Variants in LRRTM4 observed in about 807,000 individuals in gnomAD.
The protein encoded by LRRTM4 is leucine-rich repeat transmembrane neuronal protein 4.
Under a neutral mutation model 47.6 loss-of-function variants are expected in LRRTM4, and 25 were observed. The observed-to-expected ratio is 0.53, with a 90% CI of 0.38 to 0.73. The LOEUF is 0.73. LRRTM4 is among the 30% of genes least tolerant of loss of function. LRRTM4 has a pLI of 0.00. For missense variants in LRRTM4, 638 were observed against 713.4 expected (o/e 0.89, Z 1.20); for synonymous variants, 311 against 269.5 (o/e 1.15, Z -1.51).
intron 3 of LRRTM4, among the ~76,000 whole-genome samples, chr2:77,158,693 T>G (rs1672625865): frequency 6.6e-6 from 1 of 152,142 alleles, no homozygotes; most frequent in East Asian, 1.9e-4. Flanking sequence ...TTGGATTCTT[T>G]TCTATCTTAT....
chr2:77,015,020 A>T (rs893007870), intron 3 of LRRTM4, among the ~76,000 whole-genome samples: 2 of 152,168 alleles, frequency 1.3e-5, no homozygotes, highest in African/African-American at 4.8e-5. Context: ...TGATGTGATT[A>T]AACTCCATAG....
At chr2:77,105,120 A>G (rs960710040) in intron 3 of LRRTM4, among the ~76,000 whole-genome samples, 6 of 152,160 alleles carry the variant, frequency 3.9e-5, no homozygotes, top group African/African-American at 1.4e-4. Flanking sequence ...GAACATTTAG[A>G]AATATGCCAA....
At chr2:77,280,319 C>T (rs1466282309) in intron 3 of LRRTM4, among the ~76,000 whole-genome samples, 1 of 151,906 alleles carries the variant, frequency 6.6e-6, no homozygotes, top group African/African-American at 2.4e-5. Context: ...TGATTTTAGC[C>T]TAGTGGGATC....
chr2:76,855,882 A>G (rs1344427572), intron 3 of LRRTM4, among the ~76,000 whole-genome samples: 1 of 152,184 alleles, frequency 6.6e-6, no homozygotes, highest in African/African-American at 2.4e-5. Flanking sequence ...CAACTCACCT[A>G]GATAAAGCCC....
intron 3 of LRRTM4, among the ~76,000 whole-genome samples, chr2:77,022,923 C>T (rs1481494473): frequency 6.6e-6 from 1 of 152,186 alleles, no homozygotes; most frequent in East Asian, 1.9e-4. Context: ...AGGCAGTCCC[C>T]AGTAGGGACT....
At chr2:77,230,926 T>G (rs1326754926) in intron 3 of LRRTM4, among the ~76,000 whole-genome samples, 1 of 152,160 alleles carries the variant, frequency 6.6e-6, no homozygotes, top group East Asian at 1.9e-4. Flanking sequence ...GTCATTGTTC[T>G]TCAAAAGATT....
At chr2:77,052,627 A>G (rs1053985658) in intron 3 of LRRTM4, among the ~76,000 whole-genome samples, 2 of 152,006 alleles carry the variant, frequency 1.3e-5, no homozygotes, top group African/African-American at 4.8e-5. Context: ...ATATTTTATA[A>G]TAGGTTAGAA....
At chr2:76,886,102 T>C (rs560522866) in intron 3 of LRRTM4, among the ~76,000 whole-genome samples, 1 of 152,112 alleles carries the variant, frequency 6.6e-6, no homozygotes, top group African/African-American at 2.4e-5. Flanking sequence ...TCATCCTGAA[T>C]AGAAAATCAA....
chr2:77,105,523 G>T (rs537371048), intron 3 of LRRTM4, among the ~76,000 whole-genome samples: 1 of 123,644 alleles, frequency 8.1e-6, no homozygotes, highest in Non-Finnish European at 1.7e-5. Flanking sequence ...GTGGGGGGAG[G>T]GGGGAGGGAT....
chr2:77,185,167 T>C (rs1253224479), intron 3 of LRRTM4, among the ~76,000 whole-genome samples: 1 of 152,164 alleles, frequency 6.6e-6, no homozygotes, highest in Non-Finnish European at 1.5e-5. Flanking sequence ...AAACTAAGCA[T>C]GTTCAGCTCA....
At chr2:77,445,542 T>C (rs1676019084) in intron 3 of LRRTM4, among the ~76,000 whole-genome samples, 6 of 152,018 alleles carry the variant, frequency 3.9e-5, no homozygotes, top group Admixed American at 3.3e-4. Context: ...TGAGTCTCTC[T>C]GTAACATGGG....
Position 76,776,442 on chromosome 2 carries a change from T to C in LRRTM4, c.1552-27526A>G, listed in dbSNP as rs559862537. 7.6e-4 allele frequency among the ~76,000 whole-genome samples: 115 copies of C among 152,292 alleles called. No individual in the cohort carries two copies. The Middle Eastern group carries it at 0.01, about 14-fold the overall frequency. Reference sequence around the variant, plus strand: ...CTGTTGTTTCCTGACTTTTGAAAGATTGCCATTCTAACTGGTGTGAGATGG... The same window carrying C: ...CTGTTGTTTCCTGACTTTTGAAAGACTGCCATTCTAACTGGTGTGAGATGG... On this transcript the variant is annotated intron_variant, in intron 3 of 3. Transcript: ENST00000409884.
intron 3 of LRRTM4, among the ~76,000 whole-genome samples, chr2:76,946,032 A>G (rs1414326743): frequency 6.6e-6 from 1 of 151,824 alleles, no homozygotes; most frequent in Non-Finnish European, 1.5e-5. Flanking sequence ...ATATCACTAA[A>G]GTATAGCATT....
intron 3 of LRRTM4, among the ~76,000 whole-genome samples, chr2:77,074,438 ATCATATCT>A (rs1358163549): frequency 6.6e-6 from 1 of 152,084 alleles, no homozygotes; most frequent in Non-Finnish European, 1.5e-5. Flanking sequence ...TAGTAGTAAG[ATCATATCT>A]TCTGTGTCCT....
chr2:77,465,516 C>A (rs2103980867), intron 3 of LRRTM4, among the ~76,000 whole-genome samples: 1 of 152,166 alleles, frequency 6.6e-6, no homozygotes. Flanking sequence ...TATTTAAAAG[C>A]AAACATCAGA....
At position 77,393,213 on chromosome 2, in the gene LRRTM4, T is replaced by C. The variant is rs533038410; in HGVS notation, c.1551+125105A>G. On this transcript the variant is annotated intron_variant, in intron 3 of 3. Transcript: ENST00000409884. The stretch of plus-strand genomic sequence containing the variant: ...CTGTCAAATAGTGTGTATTAAAGAT[T>C]AGAAAAACAAATTAGAAAAACAAAA... Among the ~76,000 whole-genome samples, 123 of 152,008 alleles carry C rather than the reference T, an allele frequency of 8.1e-4. 1 individual carries two copies. The highest frequency in any genetic ancestry group is 2.9e-3 in the African/African-American group (119 of 41,504).
intron 3 of LRRTM4, among the ~76,000 whole-genome samples, chr2:76,959,695 G>A (rs963063595): frequency 1.1e-4 from 17 of 151,600 alleles, no homozygotes; most frequent in African/African-American, 3.9e-4. Context: ...CATTGGCTAC[G>A]GAATTTAAAG....
At chr2:77,457,170 T>A (rs1002969838) in intron 3 of LRRTM4, among the ~76,000 whole-genome samples, 4 of 151,188 alleles carry the variant, frequency 2.6e-5, no homozygotes, top group African/African-American at 9.7e-5. Context: ...ATATCCCCAA[T>A]CCTAGTCATT....
chr2:77,183,346 A>G (rs901664766), intron 3 of LRRTM4, among the ~76,000 whole-genome samples: 2 of 152,270 alleles, frequency 1.3e-5, no homozygotes, highest in East Asian at 1.9e-4. Flanking sequence ...ATCATCACTG[A>G]CCATCAGAGA....
Sources: allele counts gnomAD v4.1 joint callset (sites outside exome capture counted in the v4.1 genomes callset), GRCh38; gene constraint gnomAD v4.1.1; transcripts MANE v1.5; gene names NCBI Gene and HGNC (gene_info 2026-07-23, HGNC 2026-07-21).